Variants in UPF2 observed in about 807,000 individuals in gnomAD.
The protein encoded by UPF2 is regulator of nonsense transcripts 2.
UPF2 carries 17 observed loss-of-function variants against 141.4 expected under a neutral mutation model. The observed-to-expected ratio is 0.12, with a 90% CI of 0.08 to 0.18. UPF2 has a LOEUF of 0.18. Ranked by LOEUF, UPF2 falls within the 10% of genes least tolerant of loss-of-function variation. The pLI is 1.00. For missense variants in UPF2, 1,152 were observed against 1,515.9 expected, an observed-to-expected ratio of 0.76 and a Z score of 3.99; for synonymous variants, 540 against 498.0, an observed-to-expected ratio of 1.08 and a Z score of -1.12.
intron 1 of UPF2, among the ~76,000 whole-genome samples, chr10:12,041,836 A>G (rs769793514): frequency 7.2e-5 from 11 of 152,186 alleles, no homozygotes; most frequent in Non-Finnish European, 1.5e-4. Flanking sequence ...AATGAGATAA[A>G]GCGTCAGCGA....
At chr10:11,975,455 A>T (rs1833490876) in intron 9 of UPF2, among the ~76,000 whole-genome samples, 1 of 152,218 alleles carries the variant, frequency 6.6e-6, no homozygotes, top group African/African-American at 2.4e-5. Context: ...CGTTTATTAT[A>T]TGTAAGATTT....
Position 12,014,030 on chromosome 10 carries a change from G to T in UPF2, c.1300C>A (p.Pro434Thr), listed in dbSNP as rs995556519. Residue 434 changes from proline to threonine, a missense_variant, in exon 4 of 22, where the codon CCA (proline) becomes ACA (threonine). Physicochemically the swap from Pro to Thr is conservative, Grantham distance 38. This residue lies in a region of UPF2 where 739 missense variants were observed against 1,032.2 expected (regional missense o/e 0.72). Coordinates refer to ENST00000357604, the MANE Select transcript of UPF2 (RefSeq NM_015542.4). This position sits in a 1 kb window ranked among gnomAD's most constrained non-coding sequence, Gnocchi z 5.0. The part of the protein sequence containing the change: ...MPDLPQDKPT[P>T]EEHGPGIDIF... ...TTTTAAGGATATCTCTTACCTTCTG[G>T]TGTTGGTTTGTCTTGAGGAAGATCT... 6.4e-7 allele frequency: 1 copy of T among 1,553,666 alleles called. No individual in the cohort carries two copies. The highest frequency in any genetic ancestry group is 8.7e-7 in the Non-Finnish European group (1 of 1,147,376).
chr10:12,020,250 AT>A (rs956375858), intron 3 of UPF2, among the ~76,000 whole-genome samples: 30 of 147,484 alleles, frequency 2.0e-4, no homozygotes, highest in African/African-American at 7.0e-4. Context: ...AATAAATTTT[AT>A]TTTTTTTTTA....
intron 3 of UPF2, among the ~76,000 whole-genome samples, chr10:12,018,681 G>A (rs1209388683): frequency 6.6e-6 from 1 of 152,182 alleles, no homozygotes; most frequent in Non-Finnish European, 1.5e-5. Flanking sequence ...GAACCCAGGA[G>A]GTCGAGGCTG....
rs778899311 is a variant in UPF2, at chr10:11,936,683, G to C, written c.3408C>G (p.His1136Gln). The C allele has an allele frequency of 6.2e-7, 1 of 1,610,960 alleles. No homozygotes were observed. Among genetic ancestry groups the C allele is most frequent in the Admixed American group, 1.7e-5 (1 of 59,536 alleles). ...QQRSGESVKV[H>Q]QLDVAIPLHL... ...GCAAAGGAATGGCAACATCTAGTTG[G>C]TGCACTTTAACAGATTCACCACTTC... is the stretch of plus-strand genomic sequence containing the variant. The change falls in exon 19 of 22, where the codon CAC becomes CAG. Residue 1136 changes from histidine (H) to glutamine (Q), a missense_variant. Transcript: ENST00000357604. The surrounding 1 kb of genome is among the most constrained non-coding windows in gnomAD (Gnocchi z 6.6).
rs1832648356 is a variant in UPF2 at position 11,921,785 on chromosome 10, G to A, written c.3810-478C>T. 6.7e-6 allele frequency among the ~76,000 whole-genome samples: 1 copy of A among 150,296 alleles called. No individual in the cohort carries two copies. Among genetic ancestry groups the A allele is most frequent in the South Asian group, 2.1e-4 (1 of 4,732 alleles). ...ACTTAACCAGAGCCATTGGAGCAAT[G>A]GCTGGAGGAGTGGCTCTGTTCTCTT... On this transcript the variant is annotated intron_variant, in intron 21 of 21. Transcript: ENST00000357604. This position sits in a 1 kb window ranked among gnomAD's most constrained non-coding sequence, Gnocchi z 5.9.
Position 11,955,373 on chromosome 10 carries a change from A to G in UPF2, c.2709T>C (p.Pro903=), listed in dbSNP as rs145418095. 4,015 of 1,614,190 alleles carry G rather than the reference A, an allele frequency of 2.5e-3. 13 individuals are homozygous for G. The highest frequency in any genetic ancestry group is 2.2e-3 in the Non-Finnish European group (2,576 of 1,180,026). ...GGTCCAGGGAACTTGGAGAGCCATC[A>G]GGATTAACACCAAATGAGGTAAAAG... The part of the protein sequence containing the change: ...LYSFTSFGVN[P]DGSPSSLDPP... The change falls in exon 14 of 22, where the codon CCT becomes CCC. Residue 903 remains proline (P), a synonymous_variant. Transcript: ENST00000357604.
rs561425058 is a variant in UPF2, at chr10:11,952,135, G to A, written c.2965C>T (p.Leu989Phe). 1 of 1,614,034 alleles carries A rather than the reference G, an allele frequency of 6.2e-7. No individual in the cohort carries two copies. Among genetic ancestry groups the A allele is most frequent in the African/African-American group, 1.3e-5 (1 of 75,040 alleles). ...ATGGATTCTTCCAGAGAATTACAGAGTTTGATCTTTGGTCTTAGCAGTTCT... is the reference window on the plus strand; with the variant it reads ...ATGGATTCTTCCAGAGAATTACAGAATTTGATCTTTGGTCTTAGCAGTTCT... ...TLELLRPKIK[L>F]CNSLEESIRQ... is the part of the protein sequence containing the mutation. The change falls in exon 15 of 22, where the codon CTC becomes TTC. Residue 989 changes from leucine to phenylalanine, a missense_variant. Physicochemically the swap from Leu to Phe is conservative, Grantham distance 22 (BLOSUM62 0). Around this residue, in one of 4 missense-constraint regions of UPF2, gnomAD observed 202 missense variants for 223.6 expected, o/e 0.90. Coordinates refer to ENST00000357604, the MANE Select transcript of UPF2 (RefSeq NM_015542.4).
At chr10:11,948,119 G>A (rs550021836) in intron 16 of UPF2, among the ~76,000 whole-genome samples, 1 of 151,656 alleles carries the variant, frequency 6.6e-6, no homozygotes, top group East Asian at 1.9e-4. Context: ...GTGGTGGCGA[G>A]TGCTTGTTAT....
In UPF2 at chr10:11,979,407, T is replaced by A. The variant is rs144731072; in HGVS notation, c.1845-242A>T. On this transcript the variant is annotated intron_variant, in intron 8 of 21. Coordinates refer to ENST00000357604, the MANE Select transcript of UPF2 (RefSeq NM_015542.4). This position sits in a 1 kb window ranked among gnomAD's most constrained non-coding sequence, Gnocchi z 6.2. ...TTACTGCACATCTGTAGTTTTATTA[T>A]GTAATTTTGATGAAATATGAAACAC... 6.6e-6 allele frequency among the ~76,000 whole-genome samples: 1 copy of A among 152,346 alleles called. No homozygotes were observed. Among genetic ancestry groups the A allele is most frequent in the East Asian group, 1.9e-4 (1 of 5,194 alleles).
At position 12,019,223 on chromosome 10, in the gene UPF2, T is replaced by C. The variant is rs1217904396; in HGVS notation, c.1146-5039A>G. On this transcript the variant is annotated intron_variant, in intron 3 of 21. Coordinates refer to ENST00000357604, the MANE Select transcript of UPF2 (RefSeq NM_015542.4). The surrounding 1 kb of genome is among the most constrained non-coding windows in gnomAD (Gnocchi z 4.5). ...TCAGTCTCTGCAGACCATTTGGTCTTTGCTGAAACTACTCAACTCTGCTAA... is the reference window on the plus strand; with the variant it reads ...TCAGTCTCTGCAGACCATTTGGTCTCTGCTGAAACTACTCAACTCTGCTAA... 6.6e-6 allele frequency among the ~76,000 whole-genome samples: 1 copy of C among 152,222 alleles called. No individual in the cohort carries two copies. Among genetic ancestry groups the C allele is most frequent in the Non-Finnish European group, 1.5e-5 (1 of 68,032 alleles).
At chr10:12,001,196 C>T (rs1016874017) in intron 6 of UPF2, among the ~76,000 whole-genome samples, 6 of 152,108 alleles carry the variant, frequency 3.9e-5, no homozygotes, top group Admixed American at 3.9e-4. Flanking sequence ...GGCGGATCAC[C>T]TGAGGTCAGG....
At chr10:11,946,916 A>T (rs1353818127) in intron 16 of UPF2, among the ~76,000 whole-genome samples, 4 of 152,220 alleles carry the variant, frequency 2.6e-5, no homozygotes, top group Non-Finnish European at 5.9e-5. Flanking sequence ...AAAACTGAAG[A>T]ATCATGGGCC....
intron 8 of UPF2, 86 bp downstream of exon 8, chr10:11,997,586 A>G (rs944996020): frequency 5.0e-6 from 6 of 1,191,716 alleles, no homozygotes; most frequent in Admixed American, 2.0e-5. Context: ...ATCAAAAGCA[A>G]TATTTTTCAA....
chr10:11,975,256 A>G (rs1833487471), intron 9 of UPF2, among the ~76,000 whole-genome samples: 1 of 152,162 alleles, frequency 6.6e-6, no homozygotes, highest in Non-Finnish European at 1.5e-5. Context: ...GTAAGATACC[A>G]TCTCTTAAAA....
intron 9 of UPF2, among the ~76,000 whole-genome samples, chr10:11,970,924 G>A (rs182206336): frequency 3.4e-4 from 51 of 152,078 alleles, no homozygotes; most frequent in Non-Finnish European, 2.4e-4. Context: ...CTTGGATGAC[G>A]TTGGATGCAT....
At chr10:11,926,332 G>A (rs967901375) in intron 21 of UPF2, among the ~76,000 whole-genome samples, 1 of 152,306 alleles carries the variant, frequency 6.6e-6, no homozygotes, top group African/African-American at 2.4e-5. Context: ...TCACAGTGGG[G>A]TGGAAAGTCA....
chr10:11,972,717 C>A (rs890567097), intron 9 of UPF2, among the ~76,000 whole-genome samples: 15 of 152,140 alleles, frequency 9.9e-5, no homozygotes, highest in East Asian at 1.9e-4. Context: ...TGAACTCATC[C>A]TTTTTTATGG....
chr10:11,971,020 A>G (rs1241723550), intron 9 of UPF2, among the ~76,000 whole-genome samples: 1 of 152,086 alleles, frequency 6.6e-6, no homozygotes, highest in Non-Finnish European at 1.5e-5. Flanking sequence ...AACATCCTGT[A>G]TCATCCACAT....
Sources: gnomAD v4.1 joint callset for allele counts (sites outside exome capture counted in the v4.1 genomes callset) on GRCh38, gnomAD v4.1.1 for gene constraint, gnomAD v4.1.1 regional missense constraint, Gnocchi (gnomAD v3.1) non-coding constraint, MANE v1.5 for transcripts, NCBI Gene and HGNC (gene_info 2026-07-23, HGNC 2026-07-21) for gene names.